Variants in FRMD4A observed in about 807,000 individuals in gnomAD.
The protein encoded by FRMD4A is FERM domain containing 4A, also known as FERM domain-containing protein 4A.
FRMD4A carries 29 observed loss-of-function variants against 129.1 expected under a neutral mutation model. The observed-to-expected ratio is 0.22, with a 90% CI of 0.17 to 0.31. FRMD4A has a LOEUF of 0.31. Ranked by LOEUF, FRMD4A falls within the 10% of genes least tolerant of loss-of-function variation. The pLI, the probability that FRMD4A is intolerant of heterozygous loss-of-function variation, is 1.00. For synonymous variants in FRMD4A, 634 were observed against 571.6 expected (o/e 1.11, Z -1.56); for missense variants, 1,272 against 1,375.8 (o/e 0.92, Z 1.19).
At chr10:13,994,272 C>T (rs1481692984) in intron 2 of FRMD4A, among the ~76,000 whole-genome samples, 3 of 150,886 alleles carry the variant, frequency 2.0e-5, no homozygotes, top group East Asian at 1.9e-4. Flanking sequence ...CTCTTCCTCC[C>T]GGGTTCAAGC....
chr10:13,894,162 C>G (rs2094731848), intron 2 of FRMD4A, among the ~76,000 whole-genome samples: 1 of 152,184 alleles, frequency 6.6e-6, no homozygotes, highest in Non-Finnish European at 1.5e-5. Context: ...CTGCTGGGCG[C>G]CAGGCATACT....
At chr10:13,788,179 C>T (rs935522577) in intron 5 of FRMD4A, among the ~76,000 whole-genome samples, 1 of 152,108 alleles carries the variant, frequency 6.6e-6, no homozygotes, top group East Asian at 1.9e-4. Flanking sequence ...TTCCAGACCC[C>T]AAGACTTCCA....
intron 2 of FRMD4A, among the ~76,000 whole-genome samples, chr10:14,311,830 A>G (rs1216917110): frequency 6.6e-6 from 1 of 152,126 alleles, no homozygotes; most frequent in Non-Finnish European, 1.5e-5. Flanking sequence ...GTAGTTGAGC[A>G]CTTACATATT....
chr10:14,327,623 A>G lies in FRMD4A; in HGVS notation c.45+2435T>C, dbSNP rs111763987. On this transcript the variant is annotated intron_variant, in intron 2 of 24. Coordinates refer to ENST00000357447, the MANE Select transcript of FRMD4A (RefSeq NM_018027.5). Reference sequence around the variant, plus strand: ...AAACATGCTCTGCCCTGAAGCATTTAGCATCTAAGCTGAATGTAACCTCTG... The same window carrying G: ...AAACATGCTCTGCCCTGAAGCATTTGGCATCTAAGCTGAATGTAACCTCTG... 3.4e-3 allele frequency among the ~76,000 whole-genome samples: 521 copies of G among 152,350 alleles called. 3 individuals are homozygous for G. Among genetic ancestry groups the G allele is most frequent in the African/African-American group, 0.012 (497 of 41,576 alleles).
intron 2 of FRMD4A, among the ~76,000 whole-genome samples, chr10:14,299,063 A>T (rs79684066): frequency 0.01 from 1,567 of 152,336 alleles, 15 homozygotes; most frequent in East Asian, 0.038. Flanking sequence ...TTCAGCGATC[A>T]AACTGGGACA....
intron 2 of FRMD4A, among the ~76,000 whole-genome samples, chr10:14,091,432 GTTTTGTTTTGT>G (rs1836657173): frequency 6.6e-6 from 1 of 152,004 alleles, no homozygotes; most frequent in Admixed American, 6.6e-5. Context: ...TTTTGGTTTT[GTTTTGTTTTGT>G]TGTTGTTTTG....
At chr10:13,668,874 G>T (rs75596122) in intron 17 of FRMD4A, among the ~76,000 whole-genome samples, 9 of 151,976 alleles carry the variant, frequency 5.9e-5, no homozygotes, top group Non-Finnish European at 1.0e-4. Flanking sequence ...TCCTGCCTAC[G>T]GTGTGGCACC....
intron 2 of FRMD4A, among the ~76,000 whole-genome samples, chr10:14,081,898 G>A (rs1348125685): frequency 6.6e-6 from 1 of 152,166 alleles, no homozygotes. Flanking sequence ...CTTTTATTAG[G>A]TTGTATTTGT....
At chr10:14,074,438 G>C (rs1030074233) in intron 2 of FRMD4A, 1 of 152,144 alleles carries the variant, frequency 6.6e-6, no homozygotes, top group African/African-American at 2.4e-5. Context: ...GACGATAAAA[G>C]CAACAGCAAT....
At chr10:13,951,921 AATAATAAT>A (rs2095373852) in intron 2 of FRMD4A, among the ~76,000 whole-genome samples, 2 of 147,210 alleles carry the variant, frequency 1.4e-5, no homozygotes, top group Non-Finnish European at 3.0e-5. Flanking sequence ...TAATAATAAT[AATAATAAT>A]AAACAATCTA....
At chr10:14,028,865 C>A (rs548592681) in intron 2 of FRMD4A, among the ~76,000 whole-genome samples, 3 of 152,308 alleles carry the variant, frequency 2.0e-5, no homozygotes, top group Non-Finnish European at 4.4e-5. Context: ...GAAGAGTTGA[C>A]AGCCAAGGTC....
intron 2 of FRMD4A, among the ~76,000 whole-genome samples, chr10:13,908,676 C>T (rs533973215): frequency 6.6e-6 from 1 of 152,342 alleles, no homozygotes; most frequent in African/African-American, 2.4e-5. Flanking sequence ...CTCTGCCTGC[C>T]AAGCTCCTCT....
intron 2 of FRMD4A, among the ~76,000 whole-genome samples, chr10:14,049,198 C>T (rs1834140826): frequency 6.6e-6 from 1 of 152,134 alleles, no homozygotes; most frequent in Non-Finnish European, 1.5e-5. Context: ...AGACTTTTCT[C>T]ATACCTTTTT....
chr10:14,061,475 A>C (rs1834810715), intron 2 of FRMD4A, among the ~76,000 whole-genome samples: 1 of 152,138 alleles, frequency 6.6e-6, no homozygotes, highest in South Asian at 2.1e-4. Context: ...ATATAAAAAT[A>C]AGCTGTCATT....
intron 2 of FRMD4A, among the ~76,000 whole-genome samples, chr10:14,167,024 C>A (rs558364068): frequency 6.6e-6 from 1 of 152,114 alleles, no homozygotes; most frequent in African/African-American, 2.4e-5. Flanking sequence ...TGGTGTCTGA[C>A]ACATCAACAG....
rs375390058 is a variant in FRMD4A at position 13,918,636 on chromosome 10, C to T, written c.46-59724G>A. ...CTCTGCCTTCCGGATTCAAGTGATT[C>T]TCCTGCCTCAGCCTCCTGAGTAGCT... On this transcript the variant is annotated intron_variant, in intron 2 of 24. Coordinates refer to ENST00000357447, the MANE Select transcript of FRMD4A (RefSeq NM_018027.5). Among the ~76,000 whole-genome samples the T allele has an allele frequency of 4.3e-4, 66 of 152,160 alleles. No homozygotes were observed. The East Asian group carries it at 0.012, about 27-fold the overall frequency.
intron 21 of FRMD4A, among the ~76,000 whole-genome samples, chr10:13,659,121 G>C (rs2134664438): frequency 6.6e-6 from 1 of 152,268 alleles, no homozygotes; most frequent in East Asian, 1.9e-4. Context: ...GGATTCTTTG[G>C]CTGACTCCAA....
At position 13,888,420 on chromosome 10, in the gene FRMD4A, C is replaced by T. The variant is rs111659693; in HGVS notation, c.46-29508G>A. Among the ~76,000 whole-genome samples, 1,172 of 152,198 alleles carry T rather than the reference C, an allele frequency of 7.7e-3. 9 individuals are homozygous for T. Among genetic ancestry groups the T allele is most frequent in the African/African-American group, 0.025 (1,049 of 41,516 alleles). On this transcript the variant is annotated intron_variant, in intron 2 of 24. Coordinates refer to ENST00000357447, the MANE Select transcript of FRMD4A (RefSeq NM_018027.5). ...CTTTCATGACATTTCCAGAGAGAAA[C>T]GGACAGCGCAGAATCAGAAATGGGT...
intron 2 of FRMD4A, among the ~76,000 whole-genome samples, chr10:14,242,333 C>T (rs184756138): frequency 3.8e-4 from 58 of 152,278 alleles, no homozygotes; most frequent in East Asian, 2.5e-3. Flanking sequence ...AAAAGTCAGA[C>T]GCTAACTCAA....
Sources: allele counts gnomAD v4.1 joint callset (sites outside exome capture counted in the v4.1 genomes callset), GRCh38; gene constraint gnomAD v4.1.1; transcripts MANE v1.5; gene names NCBI Gene and HGNC (gene_info 2026-07-23, HGNC 2026-07-21).